The following EYS variants were observed in gnomAD, a reference collection of about 807,000 sequenced individuals.
The protein encoded by EYS is EGF-like photoreceptor maintenance factor.
EYS carries 250 observed loss-of-function variants against 282.1 expected under a neutral mutation model. That is an observed-to-expected ratio of 0.89 (90% confidence interval 0.80 to 0.98). EYS has a LOEUF of 0.98. Ranked by LOEUF, EYS falls within the 50% of genes least tolerant of loss-of-function variation. The pLI is 0.00. For synonymous variants in EYS, 1,355 were observed against 1,282.9 expected, an observed-to-expected ratio of 1.06 and a Z score of -1.20; for missense variants, 4,016 against 3,709.0, an observed-to-expected ratio of 1.08 and a Z score of -2.15.
At chr6:64,198,401 T>C (rs1449195310) in intron 31 of EYS, among the ~76,000 whole-genome samples, 2 of 152,146 alleles carry the variant, frequency 1.3e-5, no homozygotes, top group Non-Finnish European at 2.9e-5. Flanking sequence ...GGTGGTTTGC[T>C]ACACCCATCA....
chr6:65,655,298 T>C (rs1767782810), intron 1 of EYS, among the ~76,000 whole-genome samples: 1 of 151,662 alleles, frequency 6.6e-6, no homozygotes. Context: ...TATAGTGACT[T>C]CCTTCTAAAG....
intron 11 of EYS, chr6:65,330,978 C>A (rs1769776657): frequency 1.0e-6 from 1 of 984,048 alleles, no homozygotes; most frequent in South Asian, 4.7e-5. Flanking sequence ...ATTGAGTTCC[C>A]GTATATACTC....
intron 26 of EYS, among the ~76,000 whole-genome samples, chr6:64,586,340 G>A (rs1766233258): frequency 6.6e-6 from 1 of 152,008 alleles, no homozygotes; most frequent in East Asian, 1.9e-4. Flanking sequence ...GTGGTATTTT[G>A]TAATATCAGC....
intron 35 of EYS, among the ~76,000 whole-genome samples, chr6:63,879,143 T>C (rs1773061439): frequency 6.6e-6 from 1 of 152,250 alleles, no homozygotes; most frequent in East Asian, 1.9e-4. Context: ...TGGTTTCTGG[T>C]TTGTCTAGCT....
intron 26 of EYS, among the ~76,000 whole-genome samples, chr6:64,520,208 G>T (rs1777688850): frequency 6.6e-6 from 1 of 151,734 alleles, no homozygotes; most frequent in African/African-American, 2.4e-5. Context: ...AACCCATTTT[G>T]AGAACTGCTG....
chr6:64,966,097 G>T (rs1487853178), intron 14 of EYS, among the ~76,000 whole-genome samples: 2 of 152,072 alleles, frequency 1.3e-5, no homozygotes, highest in African/African-American at 2.4e-5. Context: ...GTTACTCCAT[G>T]CCTTTGAGTT....
chr6:63,948,358 G>C (rs530447035), intron 35 of EYS, among the ~76,000 whole-genome samples: 1 of 152,268 alleles, frequency 6.6e-6, no homozygotes, highest in African/African-American at 2.4e-5. Context: ...TTGTGCACTG[G>C]AGGAGAACAT....
intron 27 of EYS, among the ~76,000 whole-genome samples, chr6:64,437,117 CA>C (rs932902258): frequency 6.6e-6 from 1 of 151,506 alleles, no homozygotes; most frequent in African/African-American, 2.4e-5. Flanking sequence ...TGGGCCATTG[CA>C]AAAGACTCCT....
intron 16 of EYS, among the ~76,000 whole-genome samples, chr6:64,907,552 T>A (rs976502276): frequency 6.6e-6 from 1 of 152,152 alleles, no homozygotes. Flanking sequence ...ACCAGACAGT[T>A]CACAAAATTG....
rs187233601 is a variant in EYS at position 65,367,987 on chromosome 6, G to T, written c.1300-14370C>A. Among the ~76,000 whole-genome samples the T allele has an allele frequency of 6.6e-5, 10 of 151,678 alleles. No homozygotes were observed. The East Asian group carries it at 1.9e-3, about 29-fold the overall frequency. On this transcript the variant is annotated intron_variant, in intron 8 of 42. Coordinates refer to ENST00000503581, the MANE Select transcript of EYS (RefSeq NM_001142800.2). Reference sequence around the variant, plus strand: ...ATTTATAAGGGATAGAGATTTAATTGCCTCACAGTTCAGCATGGGTGGGAA... The same window carrying T: ...ATTTATAAGGGATAGAGATTTAATTTCCTCACAGTTCAGCATGGGTGGGAA...
chr6:65,432,086 TA>T (rs1171370125), intron 5 of EYS, among the ~76,000 whole-genome samples: 1 of 152,146 alleles, frequency 6.6e-6, no homozygotes, highest in Non-Finnish European at 1.5e-5. Context: ...TTATGATCCA[TA>T]AAAGTAAGAT....
At chr6:65,194,208 G>T (rs1339916681) in intron 12 of EYS, among the ~76,000 whole-genome samples, 3 of 151,758 alleles carry the variant, frequency 2.0e-5, no homozygotes, top group Non-Finnish European at 4.4e-5. Context: ...CAACTTTTCT[G>T]TTCAATAGGA....
intron 8 of EYS, among the ~76,000 whole-genome samples, chr6:65,371,188 C>A (rs1056497756): frequency 2.0e-5 from 3 of 151,702 alleles, no homozygotes; most frequent in Non-Finnish European, 4.4e-5. Context: ...TGTCATTATT[C>A]CTTTCAAAAT....
intron 35 of EYS, among the ~76,000 whole-genome samples, chr6:63,883,453 C>G (rs1773184666): frequency 6.6e-6 from 1 of 152,220 alleles, no homozygotes; most frequent in Admixed American, 6.5e-5. Context: ...AGAGTCAATG[C>G]CCCACGGGGG....
chr6:65,484,711 T>C (rs868557486), intron 5 of EYS, among the ~76,000 whole-genome samples: 2 of 152,144 alleles, frequency 1.3e-5, no homozygotes, highest in Non-Finnish European at 1.5e-5. Context: ...ATGTTATATG[T>C]GAGAGGAAAA....
chr6:65,113,256 T>C (rs190308771), intron 12 of EYS, among the ~76,000 whole-genome samples: 93 of 152,176 alleles, frequency 6.1e-4, no homozygotes, highest in African/African-American at 2.1e-3. Flanking sequence ...GAAACCTAAA[T>C]GTATTGCTTT....
chr6:64,499,706 G>A (rs114675862), intron 26 of EYS, among the ~76,000 whole-genome samples: 49 of 152,080 alleles, frequency 3.2e-4, no homozygotes, highest in African/African-American at 1.1e-3. Flanking sequence ...GCCTCAGAGT[G>A]CTTTATAGTT....
intron 12 of EYS, among the ~76,000 whole-genome samples, chr6:65,065,414 G>A (rs550773419): frequency 6.7e-6 from 1 of 148,150 alleles, no homozygotes; most frequent in South Asian, 2.1e-4. Context: ...ATGGAGTATC[G>A]CTCTGTCTCC....
chr6:65,261,555 A>C (rs1464481573), intron 12 of EYS, among the ~76,000 whole-genome samples: 1 of 152,032 alleles, frequency 6.6e-6, no homozygotes, highest in Non-Finnish European at 1.5e-5. Context: ...TCACACACTG[A>C]TTTATTTGGT....
Sources: allele counts gnomAD v4.1 joint callset (sites outside exome capture counted in the v4.1 genomes callset), GRCh38; gene constraint gnomAD v4.1.1; transcripts MANE v1.5; gene names NCBI Gene and HGNC (gene_info 2026-07-23, HGNC 2026-07-21).